CTNNA2: variants seen among roughly 807,000 people sequenced by gnomAD.
CTNNA2 encodes catenin alpha-2.
Under a neutral mutation model 101.0 loss-of-function variants are expected in CTNNA2, and 42 were observed. The ratio of observed to expected loss-of-function variants is 0.42; its 90% confidence interval spans 0.32 to 0.54. CTNNA2 has a LOEUF of 0.54. CTNNA2 is among the 20% of genes least tolerant of loss of function. The probability of loss-of-function intolerance (pLI) is 0.14; values close to 1 mark genes in which losing one functional copy is unlikely to be tolerated. For synonymous variants in CTNNA2, 450 were observed against 456.4 expected, an observed-to-expected ratio of 0.99 and a Z score of 0.18; for missense variants, 871 against 1,223.1, an observed-to-expected ratio of 0.71 and a Z score of 4.29.
chr2:80,387,165 T>A (rs2149358000), intron 7 of CTNNA2, among the ~76,000 whole-genome samples: 1 of 152,232 alleles, frequency 6.6e-6, no homozygotes, highest in Middle Eastern at 3.4e-3. Flanking sequence ...GGCGGGCACC[T>A]GTAGTCCCAG....
chr2:79,224,646 G>A (rs1339403755), intron 2 of CTNNA2, among the ~76,000 whole-genome samples: 1 of 151,904 alleles, frequency 6.6e-6, no homozygotes, highest in Non-Finnish European at 1.5e-5. Flanking sequence ...CATTCAATGA[G>A]TTCACACAAA....
At chr2:79,799,364 C>A (rs1396235723) in intron 3 of CTNNA2, among the ~76,000 whole-genome samples, 2 of 152,006 alleles carry the variant, frequency 1.3e-5, no homozygotes, top group Non-Finnish European at 2.9e-5. Context: ...GACTGTGATA[C>A]AGAGTTGGCC....
At chr2:80,631,594 T>A (rs145857499) in intron 18 of CTNNA2, among the ~76,000 whole-genome samples, 149 of 152,226 alleles carry the variant, frequency 9.8e-4, no homozygotes, top group African/African-American at 3.5e-3. Flanking sequence ...CTGAAGTACA[T>A]TCACTCCAGG....
At chr2:79,428,064 T>A (rs1678611479) in intron 4 of CTNNA2, among the ~76,000 whole-genome samples, 2 of 152,156 alleles carry the variant, frequency 1.3e-5, no homozygotes, top group South Asian at 4.1e-4. Flanking sequence ...AACTCCTTAA[T>A]GTCTTTGCTT....
intron 3 of CTNNA2, among the ~76,000 whole-genome samples, chr2:79,837,443 C>A (rs1436285853): frequency 1.3e-5 from 2 of 152,170 alleles, no homozygotes; most frequent in Non-Finnish European, 2.9e-5. Context: ...TTTGGCATCA[C>A]CCTCACAGAC....
intron 7 of CTNNA2, among the ~76,000 whole-genome samples, chr2:80,110,126 C>T (rs573545958): frequency 1.5e-4 from 23 of 152,148 alleles, no homozygotes; most frequent in Non-Finnish European, 2.9e-4. Context: ...ATGCACACGA[C>T]GGTGCCATAT....
intron 1 of CTNNA2, among the ~76,000 whole-genome samples, chr2:79,598,194 A>T (rs1033744363): frequency 6.6e-6 from 1 of 152,206 alleles, no homozygotes; most frequent in Non-Finnish European, 1.5e-5. Context: ...GGATATACCA[A>T]TTTATCCACT....
At chr2:79,838,538 C>A (rs908209997) in intron 3 of CTNNA2, among the ~76,000 whole-genome samples, 29 of 152,064 alleles carry the variant, frequency 1.9e-4, no homozygotes, top group Non-Finnish European at 5.9e-5. Flanking sequence ...AGGTTTTGAT[C>A]TAACATAAGA....
chr2:80,643,752 G>A (rs1673742098), intron 18 of CTNNA2, among the ~76,000 whole-genome samples: 1 of 152,094 alleles, frequency 6.6e-6, no homozygotes, highest in East Asian at 1.9e-4. Context: ...GAATAATGGA[G>A]CAAATCCAAG....
chr2:80,364,556 A>ATTTTTTTTTTTTTTTTT (rs57073635), intron 7 of CTNNA2, among the ~76,000 whole-genome samples: 2 of 123,496 alleles, frequency 1.6e-5, no homozygotes, highest in Non-Finnish European at 3.3e-5. Context: ...AGAGAAAGTA[A>ATTTTTTTTTTTTTTTTT]TTTTTTTTTT....
intron 7 of CTNNA2, among the ~76,000 whole-genome samples, chr2:80,158,294 A>G (rs1037712157): frequency 4.6e-5 from 7 of 152,186 alleles, no homozygotes; most frequent in Admixed American, 6.5e-5. Context: ...TTGAAATACC[A>G]TGTACTGTCT....
chr2:79,642,789 T>C (rs1680536159), intron 1 of CTNNA2, among the ~76,000 whole-genome samples: 1 of 151,872 alleles, frequency 6.6e-6, no homozygotes, highest in Non-Finnish European at 1.5e-5. Flanking sequence ...TTTTTTTTTT[T>C]TCCCTCAACT....
At chr2:79,377,350 A>G (rs896405749) in intron 4 of CTNNA2, among the ~76,000 whole-genome samples, 1 of 152,190 alleles carries the variant, frequency 6.6e-6, no homozygotes, top group Non-Finnish European at 1.5e-5. Flanking sequence ...AATCCATACT[A>G]TGCTGTACAA....
At chr2:80,548,201 T>C (rs1454260011) in intron 11 of CTNNA2, among the ~76,000 whole-genome samples, 2 of 152,154 alleles carry the variant, frequency 1.3e-5, no homozygotes, top group Admixed American at 6.5e-5. Flanking sequence ...ATAACTATGG[T>C]GCTCCAAATA....
chr2:80,506,505 G>T (rs965567218), intron 9 of CTNNA2, among the ~76,000 whole-genome samples: 1 of 152,160 alleles, frequency 6.6e-6, no homozygotes, highest in Non-Finnish European at 1.5e-5. Context: ...ACAATGGCTT[G>T]TTGGGCAATT....
intron 4 of CTNNA2, among the ~76,000 whole-genome samples, chr2:79,392,838 G>T (rs1290684659): frequency 6.6e-6 from 1 of 152,024 alleles, no homozygotes; most frequent in Non-Finnish European, 1.5e-5. Context: ...ATTTTCTGAA[G>T]GATGAAATCA....
intron 7 of CTNNA2, among the ~76,000 whole-genome samples, chr2:79,980,573 T>C (rs1318048647): frequency 6.6e-6 from 1 of 152,172 alleles, no homozygotes; most frequent in Non-Finnish European, 1.5e-5. Context: ...TTGTAATATT[T>C]ATATGGATAT....
intron 7 of CTNNA2, among the ~76,000 whole-genome samples, chr2:80,104,901 A>G (rs1314261459): frequency 6.6e-6 from 1 of 152,152 alleles, no homozygotes; most frequent in Non-Finnish European, 1.5e-5. Flanking sequence ...GAGTGTTTTA[A>G]TCATCTGGGG....
chr2:80,372,884 C>T (rs1404045298), intron 7 of CTNNA2, among the ~76,000 whole-genome samples: 1 of 152,130 alleles, frequency 6.6e-6, no homozygotes, highest in Non-Finnish European at 1.5e-5. Flanking sequence ...ATTGCCATAA[C>T]TGGGGGAAAA....
Sources: allele counts gnomAD v4.1 joint callset (sites outside exome capture counted in the v4.1 genomes callset), GRCh38; gene constraint gnomAD v4.1.1; transcripts MANE v1.5; gene names NCBI Gene and HGNC (gene_info 2026-07-23, HGNC 2026-07-21).